PDE1C: variants seen among roughly 807,000 people sequenced by gnomAD.
PDE1C encodes phosphodiesterase 1C, also known as dual specificity calcium/calmodulin-dependent 3',5'-cyclic nucleotide phosphodiesterase 1C.
PDE1C carries 62 observed loss-of-function variants against 93.1 expected under a neutral mutation model. The observed-to-expected ratio is 0.67, with a 90% CI of 0.54 to 0.82. The LOEUF is 0.82. Ranked by LOEUF, PDE1C falls within the 40% of genes least tolerant of loss-of-function variation. The pLI, the probability that PDE1C is intolerant of heterozygous loss-of-function variation, is 0.00. For synonymous variants in PDE1C, 325 were observed against 310.1 expected, an observed-to-expected ratio of 1.05 and a Z score of -0.50; for missense variants, 742 against 884.6, an observed-to-expected ratio of 0.84 and a Z score of 2.04.
chr7:32,247,744 A>G (rs751736042), intron 1 of PDE1C, among the ~76,000 whole-genome samples: 2 of 152,184 alleles, frequency 1.3e-5, no homozygotes, highest in Admixed American at 1.3e-4. Flanking sequence ...TTGCCCAACT[A>G]TATGCTAGTA....
rs1795123754 is a variant in PDE1C at position 31,865,021 on chromosome 7, T to C, written c.671A>G (p.Lys224Arg). The change falls in exon 7 of 18, where the codon AAA (lysine) becomes AGA (arginine). Residue 224 changes from lysine (K) to arginine (R), a missense_variant. Around this residue, in one of 4 missense-constraint regions of PDE1C, gnomAD observed 205 missense variants for 295.3 expected, o/e 0.69. Transcript: ENST00000396191. ...GTGCATTAAGTTATGGTAAGGATTT[T>C]TGTGCTTGCTGTATCCCACTTCCAG... ...EALEVGYSKHKNPYHNLMHAA... is the reference protein window; with the variant it reads ...EALEVGYSKHRNPYHNLMHAA... 3 of 1,614,116 alleles carry C rather than the reference T, an allele frequency of 1.9e-6. No individual in the cohort carries two copies. The highest frequency in any genetic ancestry group is 2.2e-5 in the East Asian group (1 of 44,868).
intron 1 of PDE1C, among the ~76,000 whole-genome samples, chr7:32,277,619 A>G (rs541828515): frequency 6.6e-6 from 1 of 152,378 alleles, no homozygotes; most frequent in East Asian, 1.9e-4. Flanking sequence ...TCAGCTCTTG[A>G]TGTAGTCTGG....
chr7:32,417,289 T>C (rs1229796357), intron 1 of PDE1C, among the ~76,000 whole-genome samples: 1 of 152,046 alleles, frequency 6.6e-6, no homozygotes, highest in African/African-American at 2.4e-5. Flanking sequence ...TTTTTTTTTT[T>C]TTTTAACCAG....
chr7:32,372,781 C>G (rs769833195), intron 1 of PDE1C, among the ~76,000 whole-genome samples: 2 of 151,978 alleles, frequency 1.3e-5, no homozygotes, highest in Non-Finnish European at 2.9e-5. Context: ...ACAAGTAGCC[C>G]AATTAAAAAT....
At chr7:32,115,051 C>A (rs1024242639) in intron 3 of PDE1C, among the ~76,000 whole-genome samples, 1 of 152,050 alleles carries the variant, frequency 6.6e-6, no homozygotes, top group South Asian at 2.1e-4. Flanking sequence ...TGGAAGACAG[C>A]GTGGTGATTC....
At chr7:32,259,639 A>C (rs374680951) in intron 1 of PDE1C, among the ~76,000 whole-genome samples, 1 of 152,326 alleles carries the variant, frequency 6.6e-6, no homozygotes, top group East Asian at 1.9e-4. Context: ...GTGAAACAAA[A>C]CAAATCACTT....
At chr7:32,389,994 A>T (rs559831415) in intron 1 of PDE1C, among the ~76,000 whole-genome samples, 26 of 152,338 alleles carry the variant, frequency 1.7e-4, no homozygotes, top group African/African-American at 6.0e-4. Context: ...TGAAACAGGG[A>T]AATAAAACCA....
chr7:32,039,686 A>G (rs901333568), intron 2 of PDE1C, among the ~76,000 whole-genome samples: 9 of 152,208 alleles, frequency 5.9e-5, no homozygotes, highest in African/African-American at 2.2e-4. Context: ...GGGTATACTA[A>G]GTAGGAATCT....
chr7:31,839,783 TC>T (rs1791607729), intron 9 of PDE1C, among the ~76,000 whole-genome samples: 1 of 152,216 alleles, frequency 6.6e-6, no homozygotes, highest in Non-Finnish European at 1.5e-5. Context: ...ATGCCTGTAA[TC>T]CCAACACTTT....
At chr7:32,280,401 T>C (rs973888753) in intron 1 of PDE1C, among the ~76,000 whole-genome samples, 3 of 152,158 alleles carry the variant, frequency 2.0e-5, no homozygotes, top group African/African-American at 7.2e-5. Context: ...AAACAAATTG[T>C]CTTCATCAGG....
chr7:32,037,516 A>G (rs1791267632), intron 2 of PDE1C, among the ~76,000 whole-genome samples: 1 of 152,138 alleles, frequency 6.6e-6, no homozygotes, highest in Non-Finnish European at 1.5e-5. Flanking sequence ...TCTAAATAAA[A>G]CACCCATACC....
intron 1 of PDE1C, chr7:32,209,620 G>A: frequency 8.5e-7 from 1 of 1,182,882 alleles, no homozygotes; most frequent in Non-Finnish European, 1.2e-6. Flanking sequence ...CCAATCCCCT[G>A]GATGCTTTGA....
At chr7:32,231,173 C>T (rs1316703105) in intron 1 of PDE1C, among the ~76,000 whole-genome samples, 1 of 152,112 alleles carries the variant, frequency 6.6e-6, no homozygotes, top group Non-Finnish European at 1.5e-5. Flanking sequence ...TTATCCAGAA[C>T]ACAAAAGAAA....
the PDE1C span, among the ~76,000 whole-genome samples, chr7:31,647,572 G>A: frequency 2.0e-5 from 3 of 151,214 alleles, no homozygotes; most frequent in African/African-American, 7.3e-5. Context: ...TACTTGGAAG[G>A]CTGAGGCAAG....
At chr7:31,790,473 C>T (rs914893457) in intron 16 of PDE1C, among the ~76,000 whole-genome samples, 2 of 152,074 alleles carry the variant, frequency 1.3e-5, no homozygotes, top group African/African-American at 2.4e-5. Context: ...AATATCAGTA[C>T]ATTTGAAATC....
At chr7:32,052,248 C>T in intron 1 of PDE1C, 1 of 463,294 alleles carries the variant, frequency 2.2e-6, no homozygotes, top group Non-Finnish European at 4.4e-6. Flanking sequence ...CAGAAGAGAC[C>T]CAGTTCCAGC....
chr7:31,978,832 G>T (rs576579274), intron 2 of PDE1C, among the ~76,000 whole-genome samples: 33 of 151,984 alleles, frequency 2.2e-4, no homozygotes, highest in Admixed American at 1.8e-3. Flanking sequence ...TTCTGGAGGT[G>T]GGGGGAGCCA....
chr7:31,834,162 G>C (rs542041050), intron 11 of PDE1C, among the ~76,000 whole-genome samples: 70 of 152,352 alleles, frequency 4.6e-4, no homozygotes, highest in African/African-American at 1.6e-3. Flanking sequence ...CCTCCGCCTA[G>C]ATTTCAGAGG....
At chr7:31,898,932 G>C (rs184031652) in intron 2 of PDE1C, among the ~76,000 whole-genome samples, 2 of 152,082 alleles carry the variant, frequency 1.3e-5, no homozygotes, top group Non-Finnish European at 2.9e-5. Flanking sequence ...TTTCACTAGC[G>C]TGGCTTCCTC....
Sources: allele counts gnomAD v4.1 joint callset (sites outside exome capture counted in the v4.1 genomes callset), GRCh38; gene constraint gnomAD v4.1.1; regional missense constraint gnomAD v4.1.1; transcripts MANE v1.5; gene names NCBI Gene and HGNC (gene_info 2026-07-23, HGNC 2026-07-21).